The following ROBO1 variants were observed in gnomAD, a reference collection of about 807,000 sequenced individuals.
The protein encoded by ROBO1 is roundabout homolog 1.
Under a neutral mutation model 195.9 loss-of-function variants are expected in ROBO1, and 149 were observed. That is an observed-to-expected ratio of 0.76 (90% confidence interval 0.67 to 0.87). ROBO1 has a LOEUF of 0.87. ROBO1 is among the 40% of genes least tolerant of loss of function. The probability of loss-of-function intolerance (pLI) is 0.00; values close to 1 mark genes in which losing one functional copy is unlikely to be tolerated. For missense variants in ROBO1, 1,933 were observed against 2,068.3 expected (o/e 0.93, Z 1.27); for synonymous variants, 816 against 733.2 (o/e 1.11, Z -1.82).
At chr3:79,629,755 A>C (rs71324678) in intron 1 of ROBO1, among the ~76,000 whole-genome samples, 12 of 152,200 alleles carry the variant, frequency 7.9e-5, no homozygotes, top group Admixed American at 3.9e-4. Flanking sequence ...TAAATCAAGC[A>C]AGAAAAAAAG....
chr3:78,945,948 G>A (rs1413216457), intron 3 of ROBO1, among the ~76,000 whole-genome samples: 2 of 151,324 alleles, frequency 1.3e-5, no homozygotes, highest in Non-Finnish European at 2.9e-5. Flanking sequence ...ATGAAATGAA[G>A]CGAGAAGAGA....
chr3:79,176,702 C>T (rs2081266655), intron 2 of ROBO1, among the ~76,000 whole-genome samples: 1 of 152,096 alleles, frequency 6.6e-6, no homozygotes, highest in Non-Finnish European at 1.5e-5. Flanking sequence ...AAGTGATCTG[C>T]CCCCAGCTCG....
intron 2 of ROBO1, among the ~76,000 whole-genome samples, chr3:79,309,160 T>C (rs1216745717): frequency 1.3e-5 from 2 of 152,226 alleles, no homozygotes; most frequent in East Asian, 3.8e-4. Flanking sequence ...CTGGGTTATA[T>C]GATATGTGTC....
chr3:78,742,714 G>C (rs2082562182), intron 5 of ROBO1, among the ~76,000 whole-genome samples: 1 of 152,094 alleles, frequency 6.6e-6, no homozygotes, highest in South Asian at 2.1e-4. Flanking sequence ...TCATCATTTT[G>C]GCAGCATGTA....
chr3:79,517,054 A>T (rs1472207625), intron 2 of ROBO1, among the ~76,000 whole-genome samples: 1 of 152,120 alleles, frequency 6.6e-6, no homozygotes, highest in African/African-American at 2.4e-5. Context: ...TTTTTACCAT[A>T]CCATAAGACT....
intron 2 of ROBO1, among the ~76,000 whole-genome samples, chr3:79,581,096 A>T (rs554632068): frequency 2.0e-5 from 3 of 152,260 alleles, no homozygotes; most frequent in African/African-American, 7.2e-5. Context: ...TGAAGTAATG[A>T]CAGTGTCTCT....
chr3:79,138,900 C>G (rs1426152729), intron 2 of ROBO1, among the ~76,000 whole-genome samples: 1 of 151,696 alleles, frequency 6.6e-6, no homozygotes, highest in African/African-American at 2.4e-5. Context: ...AGAGGCTGCT[C>G]TTGAAATTAA....
intron 3 of ROBO1, among the ~76,000 whole-genome samples, chr3:79,115,027 A>C (rs1005822157): frequency 6.6e-6 from 1 of 152,188 alleles, no homozygotes; most frequent in Non-Finnish European, 1.5e-5. Flanking sequence ...AAAATAATCA[A>C]TAATTAATCT....
chr3:78,927,469 A>C (rs544347123), intron 4 of ROBO1, among the ~76,000 whole-genome samples: 146 of 152,332 alleles, frequency 9.6e-4, no homozygotes, highest in African/African-American at 3.4e-3. Flanking sequence ...CAGTTCATAT[A>C]ATTGTGGAAG....
At chr3:78,624,248 A>G (rs1704623003) in intron 26 of ROBO1, among the ~76,000 whole-genome samples, 1 of 152,200 alleles carries the variant, frequency 6.6e-6, no homozygotes, top group East Asian at 1.9e-4. Context: ...TTGATTACAT[A>G]GATCACTGGG....
chr3:79,495,502 C>T (rs1305348014), intron 2 of ROBO1, among the ~76,000 whole-genome samples: 1 of 152,028 alleles, frequency 6.6e-6, no homozygotes, highest in East Asian at 1.9e-4. Flanking sequence ...GGCTAAGCAA[C>T]CATATGGATT....
At chr3:78,715,602 G>T (rs768101226) in intron 7 of ROBO1, among the ~76,000 whole-genome samples, 8 of 152,130 alleles carry the variant, frequency 5.3e-5, no homozygotes, top group African/African-American at 7.2e-5. Flanking sequence ...CGCAATCTCG[G>T]CTCACTGCAA....
At chr3:79,019,251 A>G (rs1326280495) in intron 3 of ROBO1, 1 of 985,736 alleles carries the variant, frequency 1.0e-6, no homozygotes, top group African/African-American at 1.7e-5. Flanking sequence ...ACTACGCAGA[A>G]GCCCAAACTT....
At chr3:78,775,632 G>C (rs1027432050) in intron 4 of ROBO1, among the ~76,000 whole-genome samples, 3 of 152,154 alleles carry the variant, frequency 2.0e-5, no homozygotes, top group Non-Finnish European at 4.4e-5. Context: ...AATTTGTTGA[G>C]CGAAAAAATA....
At chr3:79,697,807 T>G (rs1947491376) in intron 1 of ROBO1, among the ~76,000 whole-genome samples, 1 of 151,418 alleles carries the variant, frequency 6.6e-6, no homozygotes, top group African/African-American at 2.4e-5. Flanking sequence ...GATTAATTTA[T>G]AAACCTGGGA....
chr3:79,658,570 T>A (rs1239396626), intron 1 of ROBO1, among the ~76,000 whole-genome samples: 4 of 152,062 alleles, frequency 2.6e-5, no homozygotes, highest in Admixed American at 1.3e-4. Flanking sequence ...GTGGTATTTA[T>A]GTATTTATTT....
At chr3:78,599,403 T>C (rs1423766895) in intron 30 of ROBO1, among the ~76,000 whole-genome samples, 2 of 152,234 alleles carry the variant, frequency 1.3e-5, no homozygotes, top group African/African-American at 4.8e-5. Context: ...CATTGAGCTT[T>C]ATAGGACTTT....
At chr3:78,806,655 T>C (rs1465870913) in intron 4 of ROBO1, among the ~76,000 whole-genome samples, 4 of 152,178 alleles carry the variant, frequency 2.6e-5, no homozygotes, top group Non-Finnish European at 5.9e-5. Flanking sequence ...TATTCTATTA[T>C]GTTTTGTTTT....
chr3:79,324,396 A>G (rs1286256846), intron 2 of ROBO1, among the ~76,000 whole-genome samples: 1 of 152,224 alleles, frequency 6.6e-6, no homozygotes, highest in Non-Finnish European at 1.5e-5. Flanking sequence ...AAATGGAATC[A>G]TCAATATATA....
Sources: allele counts gnomAD v4.1 joint callset (sites outside exome capture counted in the v4.1 genomes callset), GRCh38; gene constraint gnomAD v4.1.1; transcripts MANE v1.5; gene names NCBI Gene and HGNC (gene_info 2026-07-23, HGNC 2026-07-21).